MRTFA: variants seen among roughly 807,000 people sequenced by gnomAD.
MRTFA encodes myocardin-related transcription factor A.
Under a neutral mutation model 83.5 loss-of-function variants are expected in MRTFA, and 20 were observed. That is an observed-to-expected ratio of 0.24 (90% CI 0.17 to 0.35). The LOEUF (loss-of-function observed/expected upper bound fraction) is 0.35, where lower values mean the gene tolerates loss of function less well. MRTFA is among the 10% of genes least tolerant of loss of function. MRTFA has a pLI of 1.00. For missense variants in MRTFA, 1,200 were observed against 1,224.7 expected (o/e 0.98, Z 0.30); for synonymous variants, 659 against 541.2 (o/e 1.22, Z -3.02).
At chr22:40,518,147 A>G (rs1248078435) in intron 3 of MRTFA, among the ~76,000 whole-genome samples, 2 of 152,160 alleles carry the variant, frequency 1.3e-5, no homozygotes, top group African/African-American at 4.8e-5. Context: ...ATTTAAGTAA[A>G]GGGCCTTCAT....
At chr22:40,589,287 T>C (rs1489031615) in intron 2 of MRTFA, among the ~76,000 whole-genome samples, 4 of 152,210 alleles carry the variant, frequency 2.6e-5, no homozygotes, top group Non-Finnish European at 4.4e-5. Flanking sequence ...AAAAAATCAC[T>C]GCCTACTATG....
At chr22:40,605,654 A>G (rs534322050) in intron 1 of MRTFA, among the ~76,000 whole-genome samples, 4 of 152,348 alleles carry the variant, frequency 2.6e-5, no homozygotes, top group Admixed American at 1.3e-4. Flanking sequence ...TTTTTTACCA[A>G]GAAGAATTTT....
intron 1 of MRTFA, among the ~76,000 whole-genome samples, chr22:40,616,081 T>A (rs991796535): frequency 1.3e-5 from 2 of 152,244 alleles, no homozygotes; most frequent in Admixed American, 6.5e-5. Flanking sequence ...AAATTGTTCA[T>A]CAACATTTTA....
intron 4 of MRTFA, among the ~76,000 whole-genome samples, chr22:40,441,523 G>A (rs1039955553): frequency 2.0e-5 from 3 of 152,112 alleles, no homozygotes; most frequent in African/African-American, 7.2e-5. Flanking sequence ...AGTGGCTCAC[G>A]CCCGTAATCC....
chr22:40,419,194 A>C lies in MRTFA; in HGVS notation c.1544T>G (p.Leu515Arg), dbSNP rs1569252470. The C allele has an allele frequency of 6.3e-7, 1 of 1,590,744 alleles. No homozygotes were observed. Among genetic ancestry groups the C allele is most frequent in the Non-Finnish European group, 8.6e-7 (1 of 1,168,518 alleles). Residue 515 changes from leucine (L) to arginine (R), a missense_variant, in exon 12 of 15, where the codon CTG becomes CGG. Physicochemically the swap from Leu to Arg is moderately radical, Grantham distance 102. Around this residue, in one of 2 missense-constraint regions of MRTFA, gnomAD observed 1,107 missense variants for 1,041.8 expected, o/e 1.06. Coordinates refer to ENST00000355630, the MANE Select transcript of MRTFA (RefSeq NM_020831.6). ...TGCCACCAGGGCTGGCCCCGTGCTC[A>C]GCCGGGCCGCTGGGAAGGCTACCAC... is the stretch of plus-strand genomic sequence containing the variant.
intron 3 of MRTFA, among the ~76,000 whole-genome samples, chr22:40,516,496 G>A (rs186031214): frequency 1.4e-5 from 2 of 140,866 alleles, no homozygotes; most frequent in African/African-American, 2.6e-5. Context: ...AGAGAAGGAA[G>A]AGAATAAGCA....
At chr22:40,485,072 A>G (rs78230405) in intron 3 of MRTFA, among the ~76,000 whole-genome samples, 1 of 114,772 alleles carries the variant, frequency 8.7e-6, no homozygotes, top group African/African-American at 3.3e-5. Flanking sequence ...CTCCGTCTCA[A>G]AAAAAAAAAA....
At chr22:40,545,427 G>T (rs1302856654) in intron 3 of MRTFA, among the ~76,000 whole-genome samples, 1 of 151,608 alleles carries the variant, frequency 6.6e-6, no homozygotes, top group East Asian at 1.9e-4. Flanking sequence ...CTAACCCACT[G>T]AATTCCTTTT....
intron 2 of MRTFA, among the ~76,000 whole-genome samples, chr22:40,593,087 C>A (rs892586338): frequency 2.0e-5 from 3 of 152,054 alleles, no homozygotes; most frequent in East Asian, 3.8e-4. Flanking sequence ...GGTCAAGAGC[C>A]TCAACTTCCC....
intron 2 of MRTFA, among the ~76,000 whole-genome samples, chr22:40,579,635 G>A (rs2055916548): frequency 6.6e-6 from 1 of 152,074 alleles, no homozygotes; most frequent in South Asian, 2.1e-4. Flanking sequence ...CAAGGTGGGT[G>A]GATCACCTGA....
intron 7 of MRTFA, among the ~76,000 whole-genome samples, chr22:40,425,014 C>T (rs1340529991): frequency 6.6e-6 from 1 of 152,190 alleles, no homozygotes; most frequent in African/African-American, 2.4e-5. Context: ...GGTGTGGTGA[C>T]CTCCTCTAGA....
chr22:40,467,050 C>G (rs2053822889), intron 3 of MRTFA, among the ~76,000 whole-genome samples: 1 of 152,110 alleles, frequency 6.6e-6, no homozygotes, highest in Non-Finnish European at 1.5e-5. Flanking sequence ...CCTTTTCCAT[C>G]TCTAAAACTG....
Position 40,535,438 on chromosome 22 carries a change from A to C in MRTFA, c.241+16668T>G, listed in dbSNP as rs974613342. Among the ~76,000 whole-genome samples, 8 of 138,770 alleles carry C rather than the reference A, an allele frequency of 5.8e-5. No individual in the cohort carries two copies. In the Admixed American group the frequency reaches 5.9e-4, roughly 10 times the overall value. 91.0% of individuals were successfully genotyped at this position (138,770 alleles called of 152,430 possible). On this transcript the variant is annotated intron_variant, in intron 3 of 14. Transcript: ENST00000355630. ...CATGATCTCAGGTCACTGCAGCCTC[A>C]ACCTCCCAAGTTCAAGCGATCCTCC...
At chr22:40,414,940 C>T (rs545180874) in intron 14 of MRTFA, 1 of 152,226 alleles carries the variant, frequency 6.6e-6, no homozygotes, top group African/African-American at 2.4e-5. Context: ...TCTGGCCCCC[C>T]CTGTCCTGGC....
At chr22:40,471,838 C>T (rs2053921176) in intron 3 of MRTFA, among the ~76,000 whole-genome samples, 1 of 152,164 alleles carries the variant, frequency 6.6e-6, no homozygotes, top group South Asian at 2.1e-4. Context: ...CACCACTGCA[C>T]TCCAACCTGG....
Position 40,423,578 on chromosome 22 carries a change from T to A in MRTFA, c.885A>T (p.Gly295=). 6.3e-7 allele frequency: 1 copy of A among 1,589,840 alleles called. No homozygotes were observed. Among genetic ancestry groups the A allele is most frequent in the Non-Finnish European group, 8.6e-7 (1 of 1,166,934 alleles). Residue 295 remains glycine, a synonymous_variant, in exon 9 of 15, where the codon GGA becomes GGT. Transcript: ENST00000355630. ...TGGACTTGGCAGTGGGGATAGTGGT[T>A]CCATTGGTGAGGCTGGGAGGCAGCA...
chr22:40,618,144 G>A (rs997306769), intron 1 of MRTFA, among the ~76,000 whole-genome samples: 1 of 151,238 alleles, frequency 6.6e-6, no homozygotes, highest in African/African-American at 2.4e-5. Context: ...GCACAATCTC[G>A]GCTCACTGCA....
At chr22:40,478,158 G>A (rs1188697168) in intron 3 of MRTFA, among the ~76,000 whole-genome samples, 2 of 152,122 alleles carry the variant, frequency 1.3e-5, no homozygotes, top group Non-Finnish European at 2.9e-5. Flanking sequence ...AAGTGGAGGT[G>A]AAGAAAGGAA....
intron 2 of MRTFA, chr22:40,587,781 A>G (rs1047469814): frequency 2.1e-5 from 7 of 337,098 alleles, no homozygotes; most frequent in Non-Finnish European, 3.5e-5. Flanking sequence ...GGAATTTGAG[A>G]CCCAACTCTG....
Sources: gnomAD v4.1 joint callset for allele counts (sites outside exome capture counted in the v4.1 genomes callset) on GRCh38, gnomAD v4.1.1 for gene constraint, gnomAD v4.1.1 regional missense constraint, MANE v1.5 for transcripts, NCBI Gene and HGNC (gene_info 2026-07-23, HGNC 2026-07-21) for gene names.